The following SPOCK3 variants were observed in gnomAD, a reference collection of about 807,000 sequenced individuals.
The protein encoded by SPOCK3 is testican-3.
A neutral mutation model predicts 56.6 loss-of-function variants in SPOCK3; 30 were observed. The ratio of observed to expected loss-of-function variants is 0.53; its 90% CI spans 0.40 to 0.72. The LOEUF (loss-of-function observed/expected upper bound fraction) is 0.72, where lower values mean the gene tolerates loss of function less well. SPOCK3 is among the 30% of genes least tolerant of loss of function. The probability of loss-of-function intolerance (pLI) is 0.00; values close to 1 mark genes in which losing one functional copy is unlikely to be tolerated. For missense variants in SPOCK3, 527 were observed against 530.0 expected (o/e 0.99, Z 0.06); for synonymous variants, 196 against 183.3 (o/e 1.07, Z -0.56).
intron 6 of SPOCK3, among the ~76,000 whole-genome samples, chr4:166,806,405 T>A (rs955605686): frequency 4.6e-5 from 7 of 152,056 alleles, no homozygotes; most frequent in South Asian, 2.1e-4. Context: ...GATTGTTTAT[T>A]TCTTTCTCAG....
At chr4:167,007,559 C>T (rs763447544) in intron 3 of SPOCK3, among the ~76,000 whole-genome samples, 6 of 152,094 alleles carry the variant, frequency 3.9e-5, no homozygotes, top group Non-Finnish European at 8.8e-5. Flanking sequence ...GTCCTTACTG[C>T]ACTCTCCATA....
In SPOCK3 at chr4:167,192,235, A is replaced by C. The variant is rs1020781756; in HGVS notation, c.189+41750T>G. On this transcript the variant is annotated intron_variant, in intron 2 of 10. Transcript: ENST00000357545. ...AATTCTTCAGGGATATTGGCTTATA[A>C]TTTTCTTTTATTGTAATTTCCTCTT... Among the ~76,000 whole-genome samples the C allele has an allele frequency of 1.2e-4, 18 of 145,454 alleles. 3 individuals are homozygous for C. Among genetic ancestry groups the C allele is most frequent in the African/African-American group, 4.7e-4 (18 of 38,136 alleles).
chr4:166,780,676 C>A (rs1384720797), intron 7 of SPOCK3, among the ~76,000 whole-genome samples: 1 of 152,126 alleles, frequency 6.6e-6, no homozygotes. Context: ...ATTAAAGAAC[C>A]TCTTCCACTA....
rs866624587 is a variant in SPOCK3 at position 166,855,791 on chromosome 4, G to A, written c.589+33339C>T. Among the ~76,000 whole-genome samples, 11 of 152,178 alleles carry A rather than the reference G, an allele frequency of 7.2e-5. No homozygotes were observed. The South Asian group carries it at 2.3e-3, about 32-fold the overall frequency. ...TTTCTGATTCATTAGGTGTGGGGAG[G>A]GGCCTGGAAATTTGTATTTCTAATT... On this transcript the variant is annotated intron_variant, in intron 6 of 10. Transcript: ENST00000357545.
At chr4:167,102,180 C>A (rs1186460080) in intron 2 of SPOCK3, among the ~76,000 whole-genome samples, 1 of 152,000 alleles carries the variant, frequency 6.6e-6, no homozygotes. Flanking sequence ...CCTCAGGTAA[C>A]AAGATAGATT....
intron 4 of SPOCK3, among the ~76,000 whole-genome samples, chr4:166,948,193 C>T (rs577648833): frequency 2.0e-5 from 3 of 152,126 alleles, no homozygotes; most frequent in East Asian, 3.9e-4. Flanking sequence ...AATGACAGGA[C>T]GTTTTTAATG....
intron 4 of SPOCK3, among the ~76,000 whole-genome samples, chr4:166,926,266 GAATT>G (rs1333910956): frequency 2.0e-5 from 3 of 152,172 alleles, no homozygotes; most frequent in African/African-American, 7.2e-5. Flanking sequence ...TTCAGTTTAT[GAATT>G]ATTCATTGAG....
At chr4:167,223,428 G>T (rs1736271030) in intron 2 of SPOCK3, among the ~76,000 whole-genome samples, 1 of 149,556 alleles carries the variant, frequency 6.7e-6, no homozygotes, top group Admixed American at 6.7e-5. Context: ...TATTAAAGTG[G>T]GATAATATAT....
intron 6 of SPOCK3, among the ~76,000 whole-genome samples, chr4:166,844,349 T>C (rs1747830648): frequency 6.6e-6 from 1 of 152,228 alleles, no homozygotes; most frequent in Non-Finnish European, 1.5e-5. Flanking sequence ...TCTTAGCACA[T>C]ACTTTATGTC....
intron 2 of SPOCK3, among the ~76,000 whole-genome samples, chr4:167,232,394 G>A (rs1737270213): frequency 6.7e-6 from 1 of 150,132 alleles, no homozygotes; most frequent in Non-Finnish European, 1.5e-5. Flanking sequence ...CATGCAACCA[G>A]TATTACCTAC....
intron 2 of SPOCK3, among the ~76,000 whole-genome samples, chr4:167,177,329 T>C (rs1193641766): frequency 6.6e-6 from 1 of 151,994 alleles, no homozygotes; most frequent in East Asian, 1.9e-4. Context: ...CTGAGCACTT[T>C]CCACACACTA....
At chr4:167,207,827 T>C (rs1734500969) in intron 2 of SPOCK3, among the ~76,000 whole-genome samples, 1 of 152,062 alleles carries the variant, frequency 6.6e-6, no homozygotes, top group Non-Finnish European at 1.5e-5. Context: ...ATATGGTAAC[T>C]AATCTGCACA....
chr4:167,066,475 A>G (rs934835742), intron 2 of SPOCK3, among the ~76,000 whole-genome samples: 1 of 151,928 alleles, frequency 6.6e-6, no homozygotes, highest in Non-Finnish European at 1.5e-5. Flanking sequence ...AAGACAAATG[A>G]ATCAAAATAT....
intron 2 of SPOCK3, among the ~76,000 whole-genome samples, chr4:167,075,115 T>C (rs1422482028): frequency 6.6e-6 from 1 of 151,906 alleles, no homozygotes; most frequent in Non-Finnish European, 1.5e-5. Context: ...TTGTTGTGTA[T>C]GCCCGTACTA....
At chr4:167,072,403 T>C (rs1392174247) in intron 2 of SPOCK3, among the ~76,000 whole-genome samples, 1 of 151,994 alleles carries the variant, frequency 6.6e-6, no homozygotes, top group African/African-American at 2.4e-5. Flanking sequence ...ACTGAGGCCA[T>C]AAGGCCCGAA....
At position 167,044,441 on chromosome 4, in the gene SPOCK3, T is replaced by TA. The variant is rs71871835; in HGVS notation, c.235+18050dup. Among the ~76,000 whole-genome samples the TA allele has an allele frequency of 5.4e-3, 8 of 1,486 alleles. No homozygotes were observed. In the East Asian group the frequency reaches 0.086, roughly 16 times the overall value. 1.0% of individuals were successfully genotyped at this position (1,486 alleles called of 152,430 possible). Reference sequence around the variant, plus strand: ...TTTTCAATTTAATTGATTTTTACTCTATTATTTTTTTCTCCTTCTTACTTC... The same window carrying TA: ...TTTTCAATTTAATTGATTTTTACTCTAATTATTTTTTTCTCCTTCTTACTTC... On this transcript the variant is annotated intron_variant, in intron 3 of 10. Transcript: ENST00000357545.
At chr4:166,846,676 A>T (rs1579405817) in intron 6 of SPOCK3, among the ~76,000 whole-genome samples, 1 of 152,118 alleles carries the variant, frequency 6.6e-6, no homozygotes, top group South Asian at 2.1e-4. Context: ...GTAATACCCT[A>T]AGTAAATAAT....
chr4:166,912,641 A>T lies in SPOCK3; in HGVS notation c.453T>A (p.Asp151Glu). Residue 151 changes from aspartate to glutamate, a missense_variant, in exon 5 of 11, where the codon GAT (aspartate) becomes GAA (glutamate). Physicochemically the swap from Asp to Glu is conservative, Grantham distance 45. Coordinates refer to ENST00000357545, the MANE Select transcript of SPOCK3 (RefSeq NM_001040159.2). Reference sequence around the variant, plus strand: ...TTACCTGAAAAGAGTAGGTATGACCATCTGAACCACAAACAGGGCTGGGAT... The same window carrying T: ...TTACCTGAAAAGAGTAGGTATGACCTTCTGAACCACAAACAGGGCTGGGAT... Reference protein sequence around the residue: ...VVYPSPVCGSDGHTYSFQCKL... With the variant: ...VVYPSPVCGSEGHTYSFQCKL... 3 of 1,613,754 alleles carry T rather than the reference A, an allele frequency of 1.9e-6. No individual in the cohort carries two copies. The highest frequency in any genetic ancestry group is 2.5e-6 in the Non-Finnish European group (3 of 1,179,796).
intron 2 of SPOCK3, among the ~76,000 whole-genome samples, chr4:167,221,024 C>CA (rs2111100006): frequency 6.6e-6 from 1 of 152,118 alleles, no homozygotes; most frequent in East Asian, 1.9e-4. Context: ...AGAAAATAGA[C>CA]AGTCAATGTG....
Sources: gnomAD v4.1 joint callset for allele counts (sites outside exome capture counted in the v4.1 genomes callset) on GRCh38, gnomAD v4.1.1 for gene constraint, MANE v1.5 for transcripts, NCBI Gene and HGNC (gene_info 2026-07-23, HGNC 2026-07-21) for gene names.